The following FAM228B variants were observed in gnomAD, a reference collection of about 807,000 sequenced individuals.
FAM228B encodes protein FAM228B.
A neutral mutation model predicts 42.6 loss-of-function variants in FAM228B; 38 were observed. The ratio of observed to expected loss-of-function variants is 0.89; its 90% CI spans 0.69 to 1.17. The LOEUF (loss-of-function observed/expected upper bound fraction) is 1.17. Ranked by LOEUF, FAM228B falls within the 50% of genes most tolerant of loss-of-function variation. FAM228B has a pLI of 0.00. For synonymous variants in FAM228B, 109 were observed against 122.3 expected (o/e 0.89, Z 0.72); for missense variants, 344 against 367.3 (o/e 0.94, Z 0.52).
intron 3 of FAM228B, chr2:24,115,747 A>C (rs769483534): frequency 7.8e-6 from 7 of 893,226 alleles, no homozygotes; most frequent in Non-Finnish European, 1.2e-5. Context: ...GTACTGGAGA[A>C]ACAAGGGTGA....
At chr2:24,088,341 C>T (rs1420776200) in intron 2 of FAM228B, among the ~76,000 whole-genome samples, 2 of 150,326 alleles carry the variant, frequency 1.3e-5, no homozygotes, top group African/African-American at 2.4e-5. Flanking sequence ...GCTGTTCATC[C>T]CTTTATTATA....
At chr2:24,151,899 C>T (rs1320404963) in intron 7 of FAM228B, among the ~76,000 whole-genome samples, 7 of 152,020 alleles carry the variant, frequency 4.6e-5, no homozygotes, top group East Asian at 3.9e-4. Flanking sequence ...GACAGAGTCT[C>T]GCTCTGTCAG....
intron 3 of FAM228B, among the ~76,000 whole-genome samples, chr2:24,102,715 G>A (rs1021497084): frequency 2.0e-5 from 3 of 152,140 alleles, no homozygotes; most frequent in African/African-American, 7.2e-5. Flanking sequence ...TCCAGCCTGG[G>A]CAACAGAGTG....
At chr2:24,167,192 G>C (rs1388856292) in intron 9 of FAM228B, among the ~76,000 whole-genome samples, 2 of 152,204 alleles carry the variant, frequency 1.3e-5, no homozygotes, top group African/African-American at 2.4e-5. Context: ...GGCCAGGTGA[G>C]AGCGAGGGCT....
At chr2:24,134,787 T>C (rs7580772) in intron 2 of FAM228B, among the ~76,000 whole-genome samples, 46,902 of 152,008 alleles carry the variant, frequency 0.31, 7,654 homozygotes, top group South Asian at 0.43. Flanking sequence ...CCCGTCTCTA[T>C]CAAAAACACA....
At chr2:24,166,054 A>ATATATATATATATATATATATAT (rs1553334355) in intron 9 of FAM228B, 27 of 81,036 alleles carry the variant, frequency 3.3e-4, no homozygotes, top group South Asian at 5.2e-4. Flanking sequence ...AAAAAAAAAA[A>ATATATATATATATATATATATAT]ATATATATAT....
intron 7 of FAM228B, among the ~76,000 whole-genome samples, chr2:24,156,548 C>A (rs930525397): frequency 6.6e-6 from 1 of 152,118 alleles, no homozygotes; most frequent in Admixed American, 6.5e-5. Context: ...GCAGGAGAAT[C>A]GCTTGAACCC....
upstream of FAM228B, among the ~76,000 whole-genome samples, chr2:24,120,565 T>G (rs1666078871): frequency 6.6e-6 from 1 of 152,196 alleles, no homozygotes; most frequent in Admixed American, 6.5e-5. Context: ...TTTTAAAATT[T>G]TTTTTTTGAG....
At chr2:24,167,197 A>AGGGCTCC (rs1051845064) in intron 9 of FAM228B, among the ~76,000 whole-genome samples, 2 of 152,190 alleles carry the variant, frequency 1.3e-5, no homozygotes, top group African/African-American at 2.4e-5. Context: ...GGTGAGAGCG[A>AGGGCTCC]GGGCTCCAGG....
chr2:24,119,532 C>A, upstream of FAM228B: 1 of 1,430,714 alleles, frequency 7.0e-7, no homozygotes, highest in Non-Finnish European at 9.8e-7. Context: ...TCGGAAGACC[C>A]AACTAACATA....
intron 3 of FAM228B, among the ~76,000 whole-genome samples, chr2:24,110,220 A>G (rs1049539875): frequency 6.6e-6 from 1 of 152,202 alleles, no homozygotes; most frequent in African/African-American, 2.4e-5. Context: ...TGTAAGTGGG[A>G]GCTAAACAAG....
chr2:24,116,572 T>G (rs1665924479), intron 3 of FAM228B, among the ~76,000 whole-genome samples: 1 of 151,970 alleles, frequency 6.6e-6, no homozygotes, highest in African/African-American at 2.4e-5. Context: ...CCTGAGGACC[T>G]GGCCGGGTGC....
intron 8 of FAM228B, among the ~76,000 whole-genome samples, chr2:24,162,356 T>G (rs1667305908): frequency 6.6e-6 from 1 of 152,198 alleles, no homozygotes; most frequent in African/African-American, 2.4e-5. Flanking sequence ...ATACTATGTA[T>G]ATAATGTGGG....
At chr2:24,126,331 A>G (rs1347526440) in intron 2 of FAM228B, among the ~76,000 whole-genome samples, 6 of 152,218 alleles carry the variant, frequency 3.9e-5, no homozygotes, top group Non-Finnish European at 7.3e-5. Flanking sequence ...AACATTTGGA[A>G]TAGTTTTATT....
At chr2:24,121,140 C>G (rs748102700), upstream of FAM228B, 2 of 1,613,246 alleles carry the variant, frequency 1.2e-6, no homozygotes, top group Admixed American at 3.3e-5. Flanking sequence ...TTACTCAGCT[C>G]TCTTCAAATC....
At chr2:24,143,474 A>G (rs144990584) in intron 5 of FAM228B, among the ~76,000 whole-genome samples, 389 of 152,310 alleles carry the variant, frequency 2.6e-3, no homozygotes, top group Middle Eastern at 6.8e-3. Context: ...GATTACAGGC[A>G]TGAACCATCA....
chr2:24,086,062 C>T (rs1027241090), intron 2 of FAM228B, among the ~76,000 whole-genome samples: 1 of 151,828 alleles, frequency 6.6e-6, no homozygotes, highest in Non-Finnish European at 1.5e-5. Flanking sequence ...GGTGAAACCC[C>T]GTCTCTACTA....
intron 2 of FAM228B, among the ~76,000 whole-genome samples, chr2:24,124,859 T>A (rs2151012609): frequency 6.6e-6 from 1 of 152,332 alleles, no homozygotes; most frequent in East Asian, 1.9e-4. Context: ...CATGTCTGGC[T>A]AATTTTTGTA....
chr2:24,127,669 C>CTT (rs777600951), intron 2 of FAM228B, among the ~76,000 whole-genome samples: 4 of 145,488 alleles, frequency 2.7e-5, no homozygotes, highest in Non-Finnish European at 4.6e-5. Context: ...GCCATTATTT[C>CTT]TTTTTTTTTT....
Sources: gnomAD v4.1 joint callset for allele counts (sites outside exome capture counted in the v4.1 genomes callset) on GRCh38, gnomAD v4.1.1 for gene constraint, MANE v1.5 for transcripts, NCBI Gene and HGNC (gene_info 2026-07-23, HGNC 2026-07-21) for gene names.